ENOX1: variants seen among roughly 807,000 people sequenced by gnomAD.
ENOX1 encodes ecto-NOX disulfide-thiol exchanger 1, also known as candidate growth-related and time keeping constitutive hydroquinone (NADH) oxidase.
Under a neutral mutation model 82.5 loss-of-function variants are expected in ENOX1, and 42 were observed. That is an observed-to-expected ratio of 0.51 (90% CI 0.40 to 0.66). ENOX1 has a LOEUF of 0.66. Among genes scored for constraint, ENOX1 ranks in the 30% least tolerant of loss-of-function variants. ENOX1 has a pLI of 0.00. For synonymous variants in ENOX1, 271 were observed against 282.2 expected (o/e 0.96, Z 0.40); for missense variants, 608 against 811.6 (o/e 0.75, Z 3.05).
chr13:43,216,160 C>T (rs368361973), intron 16 of ENOX1, among the ~76,000 whole-genome samples: 1 of 151,862 alleles, frequency 6.6e-6, no homozygotes, highest in South Asian at 2.1e-4. Flanking sequence ...ATGGCACCAC[C>T]GCACTCCATC....
chr13:43,594,968 A>G (rs1184215134), intron 2 of ENOX1, among the ~76,000 whole-genome samples: 1 of 151,940 alleles, frequency 6.6e-6, no homozygotes, highest in Non-Finnish European at 1.5e-5. Context: ...ATGTCTAAGC[A>G]TGCGCTAAGA....
At chr13:43,458,765 G>C (rs1220514875) in intron 3 of ENOX1, among the ~76,000 whole-genome samples, 2 of 152,072 alleles carry the variant, frequency 1.3e-5, no homozygotes, top group Non-Finnish European at 2.9e-5. Context: ...TCTGTGGTTA[G>C]ATGATTTTGA....
chr13:43,654,444 T>C (rs2084337456), intron 2 of ENOX1, among the ~76,000 whole-genome samples: 1 of 152,214 alleles, frequency 6.6e-6, no homozygotes, highest in Admixed American at 6.5e-5. Flanking sequence ...GTATCTAATG[T>C]ATAGATAGAC....
intron 1 of ENOX1, among the ~76,000 whole-genome samples, chr13:43,713,751 G>T (rs1566816052): frequency 1.3e-5 from 2 of 151,306 alleles, no homozygotes; most frequent in African/African-American, 2.4e-5. Context: ...TGTGGGATTG[G>T]TGGTGATATC....
At chr13:43,728,274 C>G (rs1039761592) in intron 1 of ENOX1, among the ~76,000 whole-genome samples, 1 of 152,138 alleles carries the variant, frequency 6.6e-6, no homozygotes, top group African/African-American at 2.4e-5. Context: ...ACCTCAAAAT[C>G]GTTAAGTCTT....
At chr13:43,527,774 T>C (rs545526229) in intron 2 of ENOX1, among the ~76,000 whole-genome samples, 15 of 152,280 alleles carry the variant, frequency 9.9e-5, no homozygotes, top group Admixed American at 2.6e-4. Context: ...ATTATTTGTA[T>C]GATTAAAACA....
At chr13:43,285,204 C>T (rs1274150984) in intron 12 of ENOX1, among the ~76,000 whole-genome samples, 1 of 152,134 alleles carries the variant, frequency 6.6e-6, no homozygotes. Context: ...AACTGAATTC[C>T]CAATTCCACA....
intron 2 of ENOX1, among the ~76,000 whole-genome samples, chr13:43,575,333 C>T (rs1041274904): frequency 4.6e-5 from 7 of 152,166 alleles, no homozygotes; most frequent in African/African-American, 1.4e-4. Flanking sequence ...CCAAGTGAGA[C>T]TTGAGTGGAA....
At chr13:43,221,021 A>T (rs1048821883) in intron 16 of ENOX1, among the ~76,000 whole-genome samples, 16 of 152,236 alleles carry the variant, frequency 1.1e-4, no homozygotes, top group African/African-American at 3.6e-4. Flanking sequence ...AGAAGTGCGA[A>T]TGATTCTCCC....
intron 2 of ENOX1, among the ~76,000 whole-genome samples, chr13:43,644,013 A>C (rs2083781357): frequency 6.6e-6 from 1 of 152,090 alleles, no homozygotes; most frequent in East Asian, 1.9e-4. Flanking sequence ...CCTACTTTTC[A>C]CTGGAGAGAT....
intron 3 of ENOX1, among the ~76,000 whole-genome samples, chr13:43,473,100 A>C (rs185282591): frequency 6.6e-6 from 1 of 152,150 alleles, no homozygotes; most frequent in Non-Finnish European, 1.5e-5. Context: ...TTATAAACAG[A>C]TATTTTCCAA....
chr13:43,677,992 C>T (rs2085594414), intron 1 of ENOX1, among the ~76,000 whole-genome samples: 2 of 152,102 alleles, frequency 1.3e-5, no homozygotes, highest in Admixed American at 6.6e-5. Flanking sequence ...ATTTAGACTT[C>T]ACTAATTCGG....
intron 9 of ENOX1, among the ~76,000 whole-genome samples, chr13:43,330,304 A>G (rs1432960432): frequency 6.6e-6 from 1 of 152,260 alleles, no homozygotes; most frequent in Non-Finnish European, 1.5e-5. Flanking sequence ...GAACAAATTG[A>G]GACCTACTCC....
At chr13:43,491,406 T>C (rs1345809974) in intron 2 of ENOX1, among the ~76,000 whole-genome samples, 4 of 152,216 alleles carry the variant, frequency 2.6e-5, no homozygotes, top group African/African-American at 9.6e-5. Flanking sequence ...GTATTTATTC[T>C]TGTAGTTCAT....
At chr13:43,248,562 T>C (rs2043271348) in intron 14 of ENOX1, among the ~76,000 whole-genome samples, 3 of 152,140 alleles carry the variant, frequency 2.0e-5, no homozygotes, top group Admixed American at 2.0e-4. Flanking sequence ...TTTAATTTTT[T>C]TGGAGACCAA....
At chr13:43,366,512 G>A (rs1482054308) in intron 5 of ENOX1, among the ~76,000 whole-genome samples, 3 of 152,136 alleles carry the variant, frequency 2.0e-5, no homozygotes, top group African/African-American at 4.8e-5. Context: ...TCCTGACCTC[G>A]TGATCTGCCT....
intron 2 of ENOX1, among the ~76,000 whole-genome samples, chr13:43,566,017 T>C (rs1441674727): frequency 1.3e-5 from 2 of 152,186 alleles, no homozygotes; most frequent in African/African-American, 4.8e-5. Context: ...ACCATGTGGG[T>C]TGCAGTAGCA....
chr13:43,321,247 C>T (rs185353477), intron 11 of ENOX1: 15 of 425,182 alleles, frequency 3.5e-5, no homozygotes, highest in Middle Eastern at 3.6e-4. Context: ...AGCCACTAGA[C>T]GTTTTTGATT....
chr13:43,385,482 T>C lies in ENOX1; in HGVS notation c.209-24030A>G, dbSNP rs914503884. Reference sequence around the variant, plus strand: ...AAATTTAAAAGAGAAGAAATAGATATGGTAAATTAAGATTTGGAAAAGTTC... The same window carrying C: ...AAATTTAAAAGAGAAGAAATAGATACGGTAAATTAAGATTTGGAAAAGTTC... On this transcript the variant is annotated intron_variant, in intron 5 of 16. Transcript: ENST00000690772. Among the ~76,000 whole-genome samples, 15 of 152,092 alleles carry C rather than the reference T, an allele frequency of 9.9e-5. No individual in the cohort carries two copies. The East Asian group carries it at 1.7e-3, about 18-fold the overall frequency.
Sources: gnomAD v4.1 joint callset for allele counts (sites outside exome capture counted in the v4.1 genomes callset) on GRCh38, gnomAD v4.1.1 for gene constraint, MANE v1.5 for transcripts, NCBI Gene and HGNC (gene_info 2026-07-23, HGNC 2026-07-21) for gene names.